Variants in MIS18BP1 observed in about 807,000 individuals in gnomAD.
The protein encoded by MIS18BP1 is MIS18 binding protein 1, also known as mis18-binding protein 1.
Under a neutral mutation model 116.1 loss-of-function variants are expected in MIS18BP1, and 72 were observed. That is an observed-to-expected ratio of 0.62 (90% CI 0.51 to 0.75). The LOEUF is 0.75. MIS18BP1 is among the 30% of genes least tolerant of loss of function. The pLI is 0.00. For synonymous variants in MIS18BP1, 386 were observed against 427.0 expected, an observed-to-expected ratio of 0.90 and a Z score of 1.18; for missense variants, 1,363 against 1,303.2, an observed-to-expected ratio of 1.05 and a Z score of -0.71.
intron 4 of MIS18BP1, among the ~76,000 whole-genome samples, chr14:45,238,286 CA>C (rs1200189133): frequency 6.6e-5 from 10 of 151,854 alleles, no homozygotes; most frequent in African/African-American, 2.4e-4. Flanking sequence ...TAATGGAAAA[CA>C]TTTTATGACA....
intron 1 of MIS18BP1, among the ~76,000 whole-genome samples, chr14:45,251,677 T>C (rs1008766645): frequency 6.6e-6 from 1 of 151,960 alleles, no homozygotes; most frequent in African/African-American, 2.4e-5. Context: ...TTAAATAACA[T>C]TCAAAGAGAC....
At chr14:45,210,305 G>T (rs944619882) in intron 14 of MIS18BP1, 75 bp downstream of exon 14, 21 of 1,435,700 alleles carry the variant, frequency 1.5e-5, no homozygotes, top group Non-Finnish European at 2.0e-5. Flanking sequence ...GGCATCTATG[G>T]TCCTCATGAA....
At chr14:45,233,555 G>A (rs1249791734) in intron 6 of MIS18BP1, among the ~76,000 whole-genome samples, 1 of 152,146 alleles carries the variant, frequency 6.6e-6, no homozygotes, top group Non-Finnish European at 1.5e-5. Flanking sequence ...AGACCAGTTA[G>A]GAGGCCACTG....
intron 1 of MIS18BP1, among the ~76,000 whole-genome samples, chr14:45,251,105 A>T (rs1337403990): frequency 1.3e-5 from 2 of 151,432 alleles, no homozygotes; most frequent in East Asian, 3.9e-4. Context: ...GCATAATGAC[A>T]TCAAACCACA....
At position 45,231,286 on chromosome 14, in the gene MIS18BP1, C is replaced by T; in HGVS notation, c.1449G>A (p.Lys483=). Residue 483 remains lysine (K), a synonymous_variant, in exon 8 of 17, where the codon AAG becomes AAA. Transcript: ENST00000310806. Reference sequence around the variant, plus strand: ...GTTTTTGTTTGGTCTTTTCCCTGTTCTTTTCACCAGCCCTTTAAAAACAAT... The same window carrying T: ...GTTTTTGTTTGGTCTTTTCCCTGTTTTTTTCACCAGCCCTTTAAAAACAAT... ...NFLEQLRAGE[K]NREKTKQKQK... 1 of 1,598,876 alleles carries T rather than the reference C, an allele frequency of 6.3e-7. No individual in the cohort carries two copies. Among genetic ancestry groups the T allele is most frequent in the Non-Finnish European group, 8.5e-7 (1 of 1,173,596 alleles).
At chr14:45,244,129 A>AGT (rs1319679291) in intron 2 of MIS18BP1, among the ~76,000 whole-genome samples, 2 of 152,254 alleles carry the variant, frequency 1.3e-5, no homozygotes, top group South Asian at 2.1e-4. Flanking sequence ...CCTACTGTGT[A>AGT]GTGGTTAAGA....
chr14:45,235,515 C>T (rs550334973), intron 6 of MIS18BP1, among the ~76,000 whole-genome samples: 1 of 140,274 alleles, frequency 7.1e-6, no homozygotes, highest in South Asian at 2.3e-4. Flanking sequence ...ACTTGAACCC[C>T]GGAGATGGAG....
At chr14:45,216,565 G>A (rs1890824349) in intron 13 of MIS18BP1, among the ~76,000 whole-genome samples, 1 of 151,932 alleles carries the variant, frequency 6.6e-6, no homozygotes. Flanking sequence ...TACTAGCTTG[G>A]TTGTATTTGC....
chr14:45,251,808 A>G (rs1278056520), intron 1 of MIS18BP1, among the ~76,000 whole-genome samples: 1 of 152,256 alleles, frequency 6.6e-6, no homozygotes. Context: ...TAATAAATGG[A>G]GATGCAAACT....
chr14:45,237,587 C>T (rs1891463200), intron 5 of MIS18BP1, 61 bp downstream of exon 5: 5 of 1,537,666 alleles, frequency 3.3e-6, no homozygotes, highest in Non-Finnish European at 4.4e-6. Flanking sequence ...CATGCATTAA[C>T]TCTTAAGTGC....
intron 13 of MIS18BP1, among the ~76,000 whole-genome samples, chr14:45,215,829 C>T (rs992832047): frequency 1.3e-5 from 2 of 151,882 alleles, no homozygotes; most frequent in Non-Finnish European, 2.9e-5. Context: ...CTCAGCCTCC[C>T]GAGTAGCTGG....
In MIS18BP1 at chr14:45,242,785, C is replaced by A. The variant is rs138267500; in HGVS notation, c.634G>T (p.Ala212Ser). ...QKIQCQQEKKAPLHNLTYELP... is the reference protein window; with the variant it reads ...QKIQCQQEKKSPLHNLTYELP... ...CCGTAAGTTAAATTGTGCAGTGGTG[C>A]TTTCTTTTCCTGCTGGCACTGAATC... The change falls in exon 3 of 17, where the codon GCA (alanine) becomes TCA (serine). Residue 212 changes from alanine (A) to serine (S), a missense_variant. Transcript: ENST00000310806. 8,086 of 1,612,666 alleles carry A rather than the reference C, an allele frequency of 5.0e-3. 26 individuals carry two copies. The highest frequency in any genetic ancestry group is 6.0e-3 in the Non-Finnish European group (7,098 of 1,179,286).
chr14:45,235,544 C>G (rs1316788481), intron 6 of MIS18BP1, among the ~76,000 whole-genome samples: 1 of 144,874 alleles, frequency 6.9e-6, no homozygotes. Flanking sequence ...GAGCCGAGAT[C>G]GTGCCACTGC....
chr14:45,222,633 G>C lies in MIS18BP1; in HGVS notation c.2669+1285C>G, dbSNP rs1891006007. On this transcript the variant is annotated intron_variant, in intron 11 of 16. Transcript: ENST00000310806. Reference sequence around the variant, plus strand: ...ACACTGAGTAGCTAGCCTAGAAACTGGGTGTGGTCTACTGTTTAGTTCAGT... The same window carrying C: ...ACACTGAGTAGCTAGCCTAGAAACTCGGTGTGGTCTACTGTTTAGTTCAGT... 2.6e-5 allele frequency among the ~76,000 whole-genome samples: 4 copies of C among 152,278 alleles called. No homozygotes were observed. The South Asian group carries it at 8.3e-4, about 32-fold the overall frequency.
In MIS18BP1 at chr14:45,242,134, C is replaced by G. The variant is rs1891593730; in HGVS notation, c.1043G>C (p.Arg348Thr). 1 of 1,613,956 alleles carries G rather than the reference C, an allele frequency of 6.2e-7. No homozygotes were observed. Among genetic ancestry groups the G allele is most frequent in the Non-Finnish European group, 8.5e-7 (1 of 1,179,968 alleles). Residue 348 changes from arginine (R) to threonine (T), a missense_variant, in exon 4 of 17, where the codon AGA becomes ACA. Physicochemically the swap from Arg to Thr is moderately conservative, Grantham distance 71 (BLOSUM62 -1). Transcript: ENST00000310806. ...CCTCCGAGGTATTGTTATATGAAGT[C>G]TTGGTGTTGCAAGTACAATTTTACA... ...DTCKIVLATPRLHITIPRRSK... is the reference protein window; with the variant it reads ...DTCKIVLATPTLHITIPRRSK...
intron 10 of MIS18BP1, 44 bp downstream of exon 10, chr14:45,226,698 AG>A: frequency 7.8e-7 from 1 of 1,284,690 alleles, no homozygotes; most frequent in Non-Finnish European, 1.0e-6. Context: ...CATTTCACAT[AG>A]TAGCTTTCTG....
Position 45,204,175 on chromosome 14 carries a change from A to G in MIS18BP1, c.3333T>C (p.Thr1111=). 6.2e-7 allele frequency: 1 copy of G among 1,611,430 alleles called. No homozygotes were observed. Among genetic ancestry groups the G allele is most frequent in the Non-Finnish European group, 8.5e-7 (1 of 1,178,978 alleles). The change falls in exon 17 of 17, where the codon ACT becomes ACC. Residue 1111 remains threonine, a synonymous_variant. Coordinates refer to ENST00000310806, the MANE Select transcript of MIS18BP1 (RefSeq NM_018353.5). The part of the protein sequence containing the change: ...GENSGIGKLF[T]NAVESLDEEE... ...CTTCATCTAAAGATTCCACAGCATTAGTGAAAAGTTTTCCAATACCAGAGT... is the reference window on the plus strand; with the variant it reads ...CTTCATCTAAAGATTCCACAGCATTGGTGAAAAGTTTTCCAATACCAGAGT...
chr14:45,235,458 G>C (rs991714163), intron 6 of MIS18BP1, among the ~76,000 whole-genome samples: 5 of 151,286 alleles, frequency 3.3e-5, no homozygotes, highest in Non-Finnish European at 5.9e-5. Flanking sequence ...GGGTGTGGTG[G>C]CAGGCACCTT....
chr14:45,239,637 C>T (rs1256409762), intron 4 of MIS18BP1, among the ~76,000 whole-genome samples: 1 of 152,090 alleles, frequency 6.6e-6, no homozygotes, highest in Non-Finnish European at 1.5e-5. Flanking sequence ...GGATTCTGAA[C>T]AGAACGACAA....
Sources: gnomAD v4.1 joint callset for allele counts (sites outside exome capture counted in the v4.1 genomes callset) on GRCh38, gnomAD v4.1.1 for gene constraint, MANE v1.5 for transcripts, NCBI Gene and HGNC (gene_info 2026-07-23, HGNC 2026-07-21) for gene names.